RAB37: variants seen among roughly 807,000 people sequenced by gnomAD.
RAB37 encodes ras-related protein Rab-37.
In RAB37, 29 loss-of-function variants were observed where a neutral mutation model predicts 33.1. That is an observed-to-expected ratio of 0.88 (90% confidence interval 0.65 to 1.20). The LOEUF (loss-of-function observed/expected upper bound fraction) is 1.20, where lower values mean the gene tolerates loss of function less well. RAB37 is among the 50% of genes most tolerant of loss of function. The probability of loss-of-function intolerance (pLI) is 0.00; values close to 1 mark genes in which losing one functional copy is unlikely to be tolerated. For missense variants in RAB37, 299 were observed against 301.1 expected (o/e 0.99, Z 0.05); for synonymous variants, 128 against 119.5 (o/e 1.07, Z -0.47).
chr17:74,742,108 T>A lies in RAB37; in HGVS notation c.205-146T>A. ...AGGTGTCTGGGTATGGGGTTCCTGC[T>A]GCCCTGATGGTATGATCTGGCTGGA... On this transcript the variant is annotated intron_variant, in intron 2 of 8. Transcript: ENST00000392613. This position sits in a 1 kb window ranked among gnomAD's most constrained non-coding sequence, Gnocchi z 4.0. 1.1e-6 allele frequency: 1 copy of A among 920,072 alleles called. No individual in the cohort carries two copies. The highest frequency in any genetic ancestry group is 1.7e-6 in the Non-Finnish European group (1 of 605,230). 57.0% of individuals were successfully genotyped at this position (920,072 alleles called of 1,614,324 possible).
In RAB37 at chr17:74,729,008, C is replaced by G. The variant is rs1567810078; in HGVS notation, c.73-248C>G. Among the ~76,000 whole-genome samples the G allele has an allele frequency of 6.6e-6, 1 of 150,486 alleles. No homozygotes were observed. Among genetic ancestry groups the G allele is most frequent in the African/African-American group, 2.5e-5 (1 of 40,810 alleles). On this transcript the variant is annotated intron_variant, in intron 1 of 7. Coordinates refer to the RAB37 transcript ENST00000340415. This position sits in a 1 kb window ranked among gnomAD's most constrained non-coding sequence, Gnocchi z 4.2. ...TGTGTGTGCTTCTGTGTGTATGTTT[C>G]TGTGTGTATGTGTGTTCTGTGTGTG... is the stretch of plus-strand genomic sequence containing the variant.
At chr17:74,690,277 A>C (rs1385513291) in intron 1 of RAB37, among the ~76,000 whole-genome samples, 1 of 151,986 alleles carries the variant, frequency 6.6e-6, no homozygotes, top group Admixed American at 6.6e-5. Context: ...TTTAAATATT[A>C]ATAATTCAAA....
Position 74,744,419 on chromosome 17 carries a change from G to A in RAB37, c.432+46G>A. 1 of 1,578,780 alleles carries A rather than the reference G, an allele frequency of 6.3e-7. No homozygotes were observed. The highest frequency in any genetic ancestry group is 1.3e-5 in the African/African-American group (1 of 74,186). On this transcript the variant is annotated intron_variant, in intron 6 of 8. Transcript: ENST00000392613. This position sits in a 1 kb window ranked among gnomAD's most constrained non-coding sequence, Gnocchi z 4.2. ...GTCAGCCCAGCCCTGCACTTCCTCAGCCCTAGCCGGCCCCATAACCACCCA... is the reference window on the plus strand; with the variant it reads ...GTCAGCCCAGCCCTGCACTTCCTCAACCCTAGCCGGCCCCATAACCACCCA...
chr17:74,716,054 C>T (rs893356950), intron 1 of RAB37, among the ~76,000 whole-genome samples: 4 of 152,106 alleles, frequency 2.6e-5, no homozygotes, highest in African/African-American at 4.8e-5. Context: ...GCAGAGAATT[C>T]GCCAAGTGGT....
chr17:74,743,244 C>T, intron 4 of RAB37, 44 bp from the exon 5 acceptor site: 3 of 1,613,656 alleles, frequency 1.9e-6, no homozygotes, highest in Non-Finnish European at 2.5e-6. Flanking sequence ...TTGGTAGCAT[C>T]CGTGCTGCTG....
intron 1 of RAB37, among the ~76,000 whole-genome samples, chr17:74,704,015 A>C (rs1294445848): frequency 6.6e-6 from 1 of 152,222 alleles, no homozygotes; most frequent in African/African-American, 2.4e-5. Context: ...CACCCCGACT[A>C]TGCTGAGCCT....
chr17:74,714,915 A>G (rs2034145762), intron 1 of RAB37, among the ~76,000 whole-genome samples: 1 of 152,166 alleles, frequency 6.6e-6, no homozygotes, highest in African/African-American at 2.4e-5. Context: ...TGAGGTCAGG[A>G]GTTCGAGATC....
chr17:74,675,751 G>A (rs1055800109), intron 1 of RAB37, among the ~76,000 whole-genome samples: 10 of 152,128 alleles, frequency 6.6e-5, no homozygotes, highest in Non-Finnish European at 1.2e-4. Flanking sequence ...AAAAACATAC[G>A]CCAAATATCA....
chr17:74,694,041 C>T (rs911449948), intron 1 of RAB37, among the ~76,000 whole-genome samples: 3 of 152,136 alleles, frequency 2.0e-5, no homozygotes, highest in Non-Finnish European at 4.4e-5. Context: ...ACACACTATC[C>T]TCCTTATACA....
At chr17:74,675,218 T>C (rs1483521503) in intron 1 of RAB37, among the ~76,000 whole-genome samples, 1 of 152,040 alleles carries the variant, frequency 6.6e-6, no homozygotes, top group Non-Finnish European at 1.5e-5. Context: ...GGATGAATCA[T>C]GAGGTCAGGA....
intron 1 of RAB37, among the ~76,000 whole-genome samples, chr17:74,701,724 C>T (rs2033063084): frequency 6.6e-6 from 1 of 151,938 alleles, no homozygotes. Context: ...GTGGCTTACG[C>T]CTGTAGTTGC....
upstream of RAB37, chr17:74,737,096 C>T: frequency 3.1e-6 from 5 of 1,602,394 alleles, no homozygotes; most frequent in South Asian, 1.1e-5. Flanking sequence ...TGCGGCTCTG[C>T]GTGCCCTCAG....
chr17:74,732,314 A>G (rs2144036520), upstream of RAB37, among the ~76,000 whole-genome samples: 1 of 152,282 alleles, frequency 6.6e-6, no homozygotes, highest in Middle Eastern at 3.4e-3. Context: ...TTTGCAAAAC[A>G]TGAGTTGAGG....
chr17:74,696,060 C>A, intron 1 of RAB37: 2 of 1,303,800 alleles, frequency 1.5e-6, no homozygotes, highest in Non-Finnish European at 2.1e-6. Context: ...GCCCCCAGGC[C>A]CTGCAGGGTG....
At chr17:74,732,936 T>C (rs367784691), upstream of RAB37, among the ~76,000 whole-genome samples, 1 of 151,710 alleles carries the variant, frequency 6.6e-6, no homozygotes, top group African/African-American at 2.4e-5. Context: ...AATGACAGTG[T>C]GATCTGTGAT....
intron 1 of RAB37, among the ~76,000 whole-genome samples, chr17:74,716,414 T>A (rs1039141293): frequency 1.3e-5 from 2 of 152,222 alleles, no homozygotes; most frequent in Non-Finnish European, 2.9e-5. Context: ...TTATAAATCA[T>A]AATTCTTCTC....
Position 74,743,182 on chromosome 17 carries a change from C to T in RAB37, c.300C>T (p.Tyr100=). The T allele has an allele frequency of 2.5e-6, 4 of 1,613,846 alleles. No individual in the cohort carries two copies. The highest frequency in any genetic ancestry group is 3.4e-6 in the Non-Finnish European group (4 of 1,179,820). Residue 100 remains tyrosine, a synonymous_variant, in exon 4 of 9, where the codon TAC becomes TAT. Coordinates refer to ENST00000392613, the MANE Select transcript of RAB37 (RefSeq NM_001006638.3). ...ERFRSVTHAY[Y]RDAQALLLLY... ...TCCGAAGCGTCACCCATGCTTATTA[C>T]AGAGATGCTCAGGGTGAGTCCCTCG...
Position 74,744,350 on chromosome 17 carries a change from G to T in RAB37, c.409G>T (p.Val137Leu). ...TCATGAGTATGCCCAGAGGGACGTG[G>T]TGATCATGCTGCTAGGCAACAAGGT... The part of the protein sequence containing the change: ...EIHEYAQRDV[V>L]IMLLGNKADM... The change falls in exon 6 of 9, where the codon GTG (valine) becomes TTG (leucine). Residue 137 changes from valine to leucine, a missense_variant. Physicochemically the swap from Val to Leu is conservative, Grantham distance 32 (BLOSUM62 1). Coordinates refer to ENST00000392613, the MANE Select transcript of RAB37 (RefSeq NM_001006638.3). This position sits in a 1 kb window ranked among gnomAD's most constrained non-coding sequence, Gnocchi z 4.2. The T allele has an allele frequency of 6.2e-7, 1 of 1,614,162 alleles. No homozygotes were observed. The highest frequency in any genetic ancestry group is 8.5e-7 in the Non-Finnish European group (1 of 1,180,018).
chr17:74,736,019 A>C (rs897303304), upstream of RAB37, among the ~76,000 whole-genome samples: 4 of 152,190 alleles, frequency 2.6e-5, no homozygotes, highest in Non-Finnish European at 5.9e-5. Context: ...CAGCTTGGCC[A>C]ACATGGCAAA....
Sources: gnomAD v4.1 joint callset for allele counts (sites outside exome capture counted in the v4.1 genomes callset) on GRCh38, gnomAD v4.1.1 for gene constraint, Gnocchi (gnomAD v3.1) non-coding constraint, MANE v1.5 for transcripts, NCBI Gene and HGNC (gene_info 2026-07-23, HGNC 2026-07-21) for gene names.